COL19A1: variants seen among roughly 807,000 people sequenced by gnomAD.
COL19A1 encodes the protein collagen alpha-1(XIX) chain.
In COL19A1, 159 loss-of-function variants were observed where a neutral mutation model predicts 190.2. The observed-to-expected ratio is 0.84, with a 90% CI of 0.73 to 0.95. The LOEUF is 0.95. COL19A1 is among the 40% of genes least tolerant of loss of function. COL19A1 has a pLI of 0.00. For synonymous variants in COL19A1, 509 were observed against 458.9 expected (o/e 1.11, Z -1.39); for missense variants, 1,418 against 1,431.9 (o/e 0.99, Z 0.16).
chr6:70,141,671 TG>T (rs1259725385), intron 20 of COL19A1, among the ~76,000 whole-genome samples: 3 of 152,044 alleles, frequency 2.0e-5, no homozygotes, highest in Admixed American at 6.6e-5. Context: ...AAAATGGCAT[TG>T]GGGGAAAAAT....
chr6:70,138,881 G>A (rs1210714045), intron 19 of COL19A1, among the ~76,000 whole-genome samples: 1 of 152,032 alleles, frequency 6.6e-6, no homozygotes, highest in Non-Finnish European at 1.5e-5. Flanking sequence ...AAAATCTCAT[G>A]TCTCAGAAAT....
At chr6:69,924,004 A>T (rs1414356761) in intron 4 of COL19A1, among the ~76,000 whole-genome samples, 1 of 152,228 alleles carries the variant, frequency 6.6e-6, no homozygotes, top group East Asian at 1.9e-4. Context: ...AAAAAGCAGC[A>T]ACAATAAAGA....
At chr6:70,044,081 G>A (rs1274818868) in intron 14 of COL19A1, among the ~76,000 whole-genome samples, 1 of 152,128 alleles carries the variant, frequency 6.6e-6, no homozygotes, top group Non-Finnish European at 1.5e-5. Flanking sequence ...TCTGGAGACG[G>A]CTTCTTTCCT....
chr6:70,207,192 C>T lies in COL19A1; in HGVS notation c.3347C>T (p.Pro1116Leu), dbSNP rs771585454. The T allele has an allele frequency of 1.1e-5, 17 of 1,613,808 alleles. No individual in the cohort carries two copies. The East Asian group carries it at 3.6e-4, about 34-fold the overall frequency. The change falls in exon 51 of 51, where the codon CCC (proline) becomes CTC (leucine). Residue 1116 changes from proline (P) to leucine (L), a missense_variant. Physicochemically the swap from Pro to Leu is moderately conservative, Grantham distance 98. Coordinates refer to ENST00000620364, the MANE Select transcript of COL19A1 (RefSeq NM_001858.6). ...CCAGGTGCCCCAGGCCCACAGGGCCCCCCAGGACCCAGTGGAAGATGTAAC... is the reference window on the plus strand; with the variant it reads ...CCAGGTGCCCCAGGCCCACAGGGCCTCCCAGGACCCAGTGGAAGATGTAAC... The part of the protein sequence containing the change: ...GSPGAPGPQG[P>L]PGPSGRCNPE...
At chr6:70,143,842 G>A (rs1786423803) in intron 23 of COL19A1, among the ~76,000 whole-genome samples, 2 of 152,002 alleles carry the variant, frequency 1.3e-5, no homozygotes, top group Non-Finnish European at 2.9e-5. Flanking sequence ...AAATCTAAAG[G>A]GAAAGAGCCA....
chr6:70,097,175 G>A (rs187594170), intron 15 of COL19A1, among the ~76,000 whole-genome samples: 6 of 152,108 alleles, frequency 3.9e-5, no homozygotes, highest in African/African-American at 1.2e-4. Flanking sequence ...TAAGATAAAT[G>A]TTCTCTCACA....
chr6:70,096,148 C>G (rs538631535), intron 15 of COL19A1, among the ~76,000 whole-genome samples: 1 of 149,436 alleles, frequency 6.7e-6, no homozygotes. Flanking sequence ...GTGGTGCCTT[C>G]TCAGCTTACT....
intron 11 of COL19A1, among the ~76,000 whole-genome samples, chr6:70,003,673 T>C (rs1777420667): frequency 1.3e-5 from 2 of 152,148 alleles, no homozygotes; most frequent in Non-Finnish European, 2.9e-5. Context: ...TTAAAGTCTG[T>C]TTTGTCAGAC....
chr6:69,964,645 A>G (rs757766538), intron 11 of COL19A1, among the ~76,000 whole-genome samples: 15 of 152,206 alleles, frequency 9.9e-5, no homozygotes, highest in Non-Finnish European at 1.8e-4. Flanking sequence ...TTGTGGTTCC[A>G]CATATCTATT....
chr6:70,077,603 C>T (rs958446118), intron 15 of COL19A1, among the ~76,000 whole-genome samples: 1 of 152,072 alleles, frequency 6.6e-6, no homozygotes, highest in African/African-American at 2.4e-5. Flanking sequence ...CAGTATACAA[C>T]GTATGTTGTG....
chr6:69,975,155 C>T (rs73746842), intron 11 of COL19A1, among the ~76,000 whole-genome samples: 10,296 of 152,098 alleles, frequency 0.068, 1,000 homozygotes, highest in African/African-American at 0.21. Flanking sequence ...AAGATGCATT[C>T]TCCTGAACAT....
intron 11 of COL19A1, among the ~76,000 whole-genome samples, chr6:69,990,260 G>A (rs6918912): frequency 0.03 from 4,508 of 152,074 alleles, 227 homozygotes; most frequent in African/African-American, 0.1. Flanking sequence ...ATCCCAGTCA[G>A]CATATGTTTC....
At position 69,997,014 on chromosome 6, in the gene COL19A1, C is replaced by CATATATATATATAT. The variant is rs370136850; in HGVS notation, c.1027-26600_1027-26599insTATATATATATATA. 2.4e-3 allele frequency among the ~76,000 whole-genome samples: 349 copies of CATATATATATATAT among 142,686 alleles called. 3 individuals are homozygous for CATATATATATATAT. The highest frequency in any genetic ancestry group is 0.011 in the Middle Eastern group (3 of 278). The allele number at this position is 142,686 out of a possible 152,430, so 93.6% of individuals were successfully genotyped here. A position where few individuals can be genotyped will look rare whatever the true frequency, so the allele number is the denominator to read the frequency against. On this transcript the variant is annotated intron_variant, in intron 11 of 50. Coordinates refer to ENST00000620364, the MANE Select transcript of COL19A1 (RefSeq NM_001858.6). Reference sequence around the variant, plus strand: ...GTATGTGTGTGTGTGTTTATATATACATATATATATATAGAGAGAGAGAGA... The same window carrying CATATATATATATAT: ...GTATGTGTGTGTGTGTTTATATATACATATATATATATATATATATATATATAGAGAGAGAGAGA...
intron 48 of COL19A1, among the ~76,000 whole-genome samples, chr6:70,196,735 T>C (rs1767222841): frequency 6.6e-6 from 1 of 152,240 alleles, no homozygotes; most frequent in Non-Finnish European, 1.5e-5. Context: ...TGCATGCTTA[T>C]ATCGGAACTC....
chr6:69,962,354 G>A (rs1429610044), intron 10 of COL19A1, among the ~76,000 whole-genome samples: 1 of 152,142 alleles, frequency 6.6e-6, no homozygotes, highest in African/African-American at 2.4e-5. Context: ...GAACCCAAGG[G>A]TTCAAACCTG....
chr6:70,063,187 A>G (rs1780953304), intron 14 of COL19A1, among the ~76,000 whole-genome samples: 1 of 152,174 alleles, frequency 6.6e-6, no homozygotes, highest in South Asian at 2.1e-4. Context: ...CATTTTTTTC[A>G]GCACCACACT....
chr6:70,127,504 G>C (rs368007773), intron 17 of COL19A1, among the ~76,000 whole-genome samples: 4 of 152,094 alleles, frequency 2.6e-5, no homozygotes, highest in African/African-American at 9.7e-5. Context: ...AACCAAACTG[G>C]ATGACTGATC....
chr6:69,910,176 T>C (rs866428702), intron 4 of COL19A1, among the ~76,000 whole-genome samples: 1 of 152,186 alleles, frequency 6.6e-6, no homozygotes. Context: ...CTAGATCTTT[T>C]CACCAAAGAA....
At chr6:70,054,891 T>C (rs60022757) in intron 14 of COL19A1, among the ~76,000 whole-genome samples, 8,697 of 152,154 alleles carry the variant, frequency 0.057, 834 homozygotes, top group African/African-American at 0.2. Context: ...TATTTTAAAC[T>C]GGAGGTATAA....
Sources: allele counts gnomAD v4.1 joint callset (sites outside exome capture counted in the v4.1 genomes callset), GRCh38; gene constraint gnomAD v4.1.1; transcripts MANE v1.5; gene names NCBI Gene and HGNC (gene_info 2026-07-23, HGNC 2026-07-21).